ATF6: variants seen among roughly 807,000 people sequenced by gnomAD.
The protein encoded by ATF6 is activating transcription factor 6.
In ATF6, 53 loss-of-function variants were observed where a neutral mutation model predicts 83.6. That is an observed-to-expected ratio of 0.63 (90% CI 0.51 to 0.80). The LOEUF is 0.80. ATF6 is among the 30% of genes least tolerant of loss of function. The pLI, the probability that ATF6 is intolerant of heterozygous loss-of-function variation, is 0.00. For missense variants in ATF6, 744 were observed against 797.9 expected (o/e 0.93, Z 0.81); for synonymous variants, 288 against 285.8 (o/e 1.01, Z -0.08).
intron 6 of ATF6, among the ~76,000 whole-genome samples, chr1:161,801,551 G>A (rs1456176530): frequency 6.6e-6 from 1 of 151,878 alleles, no homozygotes; most frequent in Non-Finnish European, 1.5e-5. Flanking sequence ...GATTACAGGT[G>A]TAAGCCACAG....
chr1:161,937,762 G>A (rs1688567661), intron 15 of ATF6, among the ~76,000 whole-genome samples: 1 of 151,930 alleles, frequency 6.6e-6, no homozygotes, highest in Non-Finnish European at 1.5e-5. Context: ...CAAGGTGAGG[G>A]ATAGCATTAG....
At chr1:161,834,037 A>G (rs901725310) in intron 9 of ATF6, among the ~76,000 whole-genome samples, 5 of 152,270 alleles carry the variant, frequency 3.3e-5, no homozygotes, top group South Asian at 4.1e-4. Flanking sequence ...AGGGAAGTCC[A>G]TCAGACTAAC....
At chr1:161,936,351 T>C (rs1688536734) in intron 15 of ATF6, among the ~76,000 whole-genome samples, 1 of 152,204 alleles carries the variant, frequency 6.6e-6, no homozygotes, top group South Asian at 2.1e-4. Context: ...TATATATTTA[T>C]GGGGTATGTG....
intron 9 of ATF6, among the ~76,000 whole-genome samples, chr1:161,841,659 T>C (rs4233378): frequency 0.14 from 21,526 of 152,136 alleles, 2,085 homozygotes; most frequent in East Asian, 0.31. Context: ...CTCTGTGTAA[T>C]GTAAATAAGA....
intron 14 of ATF6, among the ~76,000 whole-genome samples, chr1:161,898,738 G>A (rs927763394): frequency 3.2e-4 from 48 of 152,162 alleles, no homozygotes; most frequent in African/African-American, 1.2e-3. Context: ...AGTAGAGACA[G>A]GGTTTTACCA....
At chr1:161,920,292 C>CTT (rs1322896918) in intron 15 of ATF6, among the ~76,000 whole-genome samples, 1 of 19,790 alleles carries the variant, frequency 5.1e-5, no homozygotes, top group Non-Finnish European at 1.0e-4. Flanking sequence ...CTCTCTCTCT[C>CTT]TCTTTTTTTT....
intron 14 of ATF6, among the ~76,000 whole-genome samples, chr1:161,864,221 AC>A (rs1240305971): frequency 3.3e-5 from 5 of 151,820 alleles, no homozygotes; most frequent in African/African-American, 1.2e-4. Context: ...AGTACAGTTG[AC>A]CCTTGAACAA....
intron 15 of ATF6, among the ~76,000 whole-genome samples, chr1:161,946,157 G>T (rs1330677378): frequency 6.6e-6 from 1 of 152,110 alleles, no homozygotes; most frequent in Non-Finnish European, 1.5e-5. Context: ...ATCATGCCCA[G>T]CTAATTTTTG....
chr1:161,868,311 G>T (rs1309382557), intron 14 of ATF6, among the ~76,000 whole-genome samples: 1 of 152,110 alleles, frequency 6.6e-6, no homozygotes. Flanking sequence ...AAAACCTGGG[G>T]CCACTCTTCT....
intron 15 of ATF6, among the ~76,000 whole-genome samples, chr1:161,929,525 G>A (rs1377963584): frequency 6.6e-6 from 1 of 152,212 alleles, no homozygotes; most frequent in African/African-American, 2.4e-5. Flanking sequence ...GGAAGTCTGG[G>A]AAATAAATTA....
intron 14 of ATF6, among the ~76,000 whole-genome samples, chr1:161,879,256 T>C (rs1054129525): frequency 6.6e-6 from 1 of 152,086 alleles, no homozygotes; most frequent in Admixed American, 6.6e-5. Flanking sequence ...GTGTAGAAGA[T>C]TTAAGCAGAG....
In ATF6 at chr1:161,960,204, C is replaced by T. The variant is rs1044923853; in HGVS notation, c.*1550C>T. The T allele has an allele frequency of 6.6e-6, 1 of 152,068 alleles. No individual in the cohort carries two copies. Among genetic ancestry groups the T allele is most frequent in the African/African-American group, 2.4e-5 (1 of 41,374 alleles). The allele number at this position is 152,068 out of a possible 1,614,324, so 9.4% of individuals were successfully genotyped here. The stretch of plus-strand genomic sequence containing the variant: ...AGAACTGGATCTCATACAGCGATGT[C>T]CTCTCTAATGTTCTACCTTTCAGTT... On this transcript the variant is annotated 3_prime_UTR_variant, in exon 16 of 16. Coordinates refer to ENST00000367942, the MANE Select transcript of ATF6 (RefSeq NM_007348.4).
intron 15 of ATF6, among the ~76,000 whole-genome samples, chr1:161,917,212 G>A (rs1040220398): frequency 6.6e-6 from 1 of 152,186 alleles, no homozygotes; most frequent in Non-Finnish European, 1.5e-5. Context: ...GGATCATGTG[G>A]TGTGAATCCA....
intron 14 of ATF6, among the ~76,000 whole-genome samples, chr1:161,877,604 G>A (rs1687241571): frequency 6.6e-6 from 1 of 152,104 alleles, no homozygotes; most frequent in Non-Finnish European, 1.5e-5. Context: ...ATGAGCTATA[G>A]TAAGTAGTTT....
chr1:161,903,737 A>G (rs1687833504), intron 14 of ATF6, among the ~76,000 whole-genome samples: 1 of 152,176 alleles, frequency 6.6e-6, no homozygotes, highest in Admixed American at 6.5e-5. Flanking sequence ...CAGATTAAGG[A>G]ACTTGCTCTA....
chr1:161,876,764 T>C (rs1194470434), intron 14 of ATF6, among the ~76,000 whole-genome samples: 3 of 152,040 alleles, frequency 2.0e-5, no homozygotes, highest in African/African-American at 7.2e-5. Flanking sequence ...ATTCCACCTT[T>C]CCGTGAGTCA....
intron 14 of ATF6, among the ~76,000 whole-genome samples, chr1:161,884,067 A>C (rs1046698242): frequency 2.0e-5 from 3 of 152,080 alleles, no homozygotes; most frequent in African/African-American, 7.2e-5. Flanking sequence ...GTTATTTGAA[A>C]GCCATTCTCC....
chr1:161,919,290 A>T (rs964053073), intron 15 of ATF6, among the ~76,000 whole-genome samples: 1 of 152,158 alleles, frequency 6.6e-6, no homozygotes, highest in East Asian at 1.9e-4. Context: ...TTAAAAAAGG[A>T]TTGCATGGTT....
chr1:161,926,964 A>T (rs1323473738), intron 15 of ATF6, among the ~76,000 whole-genome samples: 1 of 152,098 alleles, frequency 6.6e-6, no homozygotes, highest in East Asian at 1.9e-4. Flanking sequence ...ATTTGGTTCC[A>T]TGTTTTTTTT....
Sources: gnomAD v4.1 joint callset for allele counts (sites outside exome capture counted in the v4.1 genomes callset) on GRCh38, gnomAD v4.1.1 for gene constraint, MANE v1.5 for transcripts, NCBI Gene and HGNC (gene_info 2026-07-23, HGNC 2026-07-21) for gene names.